ITIH5: variants seen among roughly 807,000 people sequenced by gnomAD.
ITIH5 encodes inter-alpha-trypsin inhibitor heavy chain 5, also known as inter-alpha-trypsin inhibitor heavy chain H5.
In ITIH5, 65 loss-of-function variants were observed where a neutral mutation model predicts 77.5. The observed-to-expected ratio is 0.84, with a 90% CI of 0.69 to 1.03. ITIH5 has a LOEUF of 1.03. ITIH5 is among the 50% of genes least tolerant of loss of function. ITIH5 has a pLI of 0.00. For missense variants in ITIH5, 1,208 were observed against 1,213.1 expected (o/e 1.00, Z 0.06); for synonymous variants, 525 against 494.3 (o/e 1.06, Z -0.82).
intron 4 of ITIH5, among the ~76,000 whole-genome samples, chr10:7,638,430 A>G (rs1380437921): frequency 6.6e-6 from 1 of 152,246 alleles, no homozygotes; most frequent in Non-Finnish European, 1.5e-5. Flanking sequence ...ACTTCAGAAC[A>G]TCACACAGAG....
intron 7 of ITIH5, among the ~76,000 whole-genome samples, chr10:7,611,791 TTA>T (rs1833249678): frequency 6.6e-6 from 1 of 152,166 alleles, no homozygotes; most frequent in Non-Finnish European, 1.5e-5. Flanking sequence ...TTTAAAATTT[TTA>T]TGTAGCTAAA....
chr10:7,632,103 C>T (rs773975128), intron 5 of ITIH5, among the ~76,000 whole-genome samples: 5 of 152,008 alleles, frequency 3.3e-5, no homozygotes, highest in Non-Finnish European at 7.4e-5. Context: ...CTGGCCCAAT[C>T]TTGTTTAATT....
At chr10:7,633,809 G>T (rs1204005434) in intron 5 of ITIH5, among the ~76,000 whole-genome samples, 2 of 152,066 alleles carry the variant, frequency 1.3e-5, no homozygotes, top group Admixed American at 1.3e-4. Flanking sequence ...GTCCGTGGTG[G>T]CCGGGCGCGG....
Position 7,576,516 on chromosome 10 carries a change from T to G in ITIH5, c.1915A>C (p.Met639Leu), listed in dbSNP as rs1284263096. 6.2e-7 allele frequency: 1 copy of G among 1,611,888 alleles called. No individual in the cohort carries two copies. The highest frequency in any genetic ancestry group is 1.1e-5 in the South Asian group (1 of 91,058). ...RMDGLEEAHG[M>L]SAAMGPEPVV... ...GGTTCGGGTCCCATGGCAGCCGACA[T>G]GCCGTGGGCCTCCTCCAGGCCATCC... The change falls in exon 10 of 14, where the codon ATG becomes CTG. Residue 639 changes from methionine to leucine, a missense_variant. Transcript: ENST00000397146.
chr10:7,585,850 A>C, intron 8 of ITIH5, 51 bp downstream of exon 8: 1 of 1,465,174 alleles, frequency 6.8e-7, no homozygotes, highest in South Asian at 1.3e-5. Context: ...ACCAAAAAAA[A>C]AAACATTATT....
chr10:7,651,326 G>A (rs1214406792), intron 2 of ITIH5, among the ~76,000 whole-genome samples: 1 of 152,172 alleles, frequency 6.6e-6, no homozygotes, highest in Non-Finnish European at 1.5e-5. Context: ...GCTCACGCCT[G>A]TAATCCCAGC....
chr10:7,657,412 C>T (rs1420898414), intron 1 of ITIH5, among the ~76,000 whole-genome samples: 2 of 151,920 alleles, frequency 1.3e-5, no homozygotes, highest in East Asian at 3.8e-4. Context: ...TGCATTCCCA[C>T]CAGTATGCAA....
chr10:7,645,829 C>T (rs747594754), intron 2 of ITIH5, among the ~76,000 whole-genome samples: 4 of 152,162 alleles, frequency 2.6e-5, no homozygotes, highest in Non-Finnish European at 5.9e-5. Context: ...TCATTAAAAA[C>T]ATTTCATACA....
chr10:7,629,512 C>T lies in ITIH5; in HGVS notation c.652+7716G>A, dbSNP rs1281085166. On this transcript the variant is annotated intron_variant, in intron 5 of 13. Coordinates refer to ENST00000397146, the MANE Select transcript of ITIH5 (RefSeq NM_030569.7). ...GTTGTAGCGTGTGTCCATGTTGCAG[C>T]GTGTGTCCGTGTTGCAGCGTGTGTC... 3.9e-5 allele frequency among the ~76,000 whole-genome samples: 5 copies of T among 128,064 alleles called. 1 individual carries two copies. Among genetic ancestry groups the T allele is most frequent in the Non-Finnish European group, 5.4e-5 (3 of 55,226 alleles). The allele number at this position is 128,064 out of a possible 152,430, so 84.0% of individuals were successfully genotyped here.
intron 5 of ITIH5, chr10:7,619,631 C>A (rs1014815033): frequency 5.3e-6 from 2 of 376,768 alleles, no homozygotes; most frequent in South Asian, 2.0e-5. Flanking sequence ...ACGCAGAAGG[C>A]AAACGCAAAG....
intron 5 of ITIH5, chr10:7,618,808 G>T (rs187831766): frequency 6.6e-6 from 1 of 152,240 alleles, no homozygotes; most frequent in African/African-American, 2.4e-5. Flanking sequence ...TTCTGCTGAG[G>T]GTTTATTAGA....
intron 1 of ITIH5, among the ~76,000 whole-genome samples, chr10:7,665,990 CT>C (rs1834355517): frequency 6.6e-6 from 1 of 152,164 alleles, no homozygotes; most frequent in South Asian, 2.1e-4. Flanking sequence ...AAAGGTCCGC[CT>C]ACTTGTATCT....
chr10:7,666,572 G>C (rs1354749539), intron 1 of ITIH5, among the ~76,000 whole-genome samples: 3 of 152,166 alleles, frequency 2.0e-5, no homozygotes, highest in East Asian at 1.9e-4. Flanking sequence ...AGAAAAACTC[G>C]GCTCCGCAGG....
At chr10:7,649,960 T>C (rs914824118) in intron 2 of ITIH5, among the ~76,000 whole-genome samples, 3 of 152,242 alleles carry the variant, frequency 2.0e-5, no homozygotes, top group Admixed American at 6.5e-5. Context: ...TAACTTTGTT[T>C]TGGGATGTCC....
chr10:7,582,154 A>G (rs769395709), intron 8 of ITIH5, among the ~76,000 whole-genome samples: 1 of 152,284 alleles, frequency 6.6e-6, no homozygotes, highest in South Asian at 2.1e-4. Context: ...GATTACTGGC[A>G]GGGGCCACAG....
rs140480029 is a variant in ITIH5 at position 7,590,982 on chromosome 10, C to T, written c.940-4913G>A. Among the ~76,000 whole-genome samples the T allele has an allele frequency of 6.9e-3, 1,048 of 152,320 alleles. 6 individuals are homozygous for T. Among genetic ancestry groups the T allele is most frequent in the Non-Finnish European group, 9.2e-3 (625 of 68,038 alleles). On this transcript the variant is annotated intron_variant, in intron 7 of 13. Transcript: ENST00000397146. ...CGCGGTATCCACTCACTGCAACCTCCGCCTCCCGGGTTCAAGCGATTCCCC... is the reference window on the plus strand; with the variant it reads ...CGCGGTATCCACTCACTGCAACCTCTGCCTCCCGGGTTCAAGCGATTCCCC...
Position 7,626,745 on chromosome 10 carries a change from C to G in ITIH5, c.653-9463G>C, listed in dbSNP as rs138178530. Among the ~76,000 whole-genome samples, 76 of 152,342 alleles carry G rather than the reference C, an allele frequency of 5.0e-4. No individual in the cohort carries two copies. The East Asian group carries it at 0.012, about 23-fold the overall frequency. ...GTCCTAAATATTGCACAGGACATAT[C>G]GTTTCTCTGAATTCAAATGAAACTG... is the stretch of plus-strand genomic sequence containing the variant. On this transcript the variant is annotated intron_variant, in intron 5 of 13. Coordinates refer to ENST00000397146, the MANE Select transcript of ITIH5 (RefSeq NM_030569.7).
At chr10:7,646,330 G>A (rs574874823) in intron 2 of ITIH5, among the ~76,000 whole-genome samples, 1 of 152,290 alleles carries the variant, frequency 6.6e-6, no homozygotes, top group South Asian at 2.1e-4. Context: ...TAATTATGCT[G>A]AATATAAAAT....
intron 7 of ITIH5, among the ~76,000 whole-genome samples, chr10:7,603,665 G>A (rs528467077): frequency 6.6e-6 from 1 of 152,148 alleles, no homozygotes; most frequent in South Asian, 2.1e-4. Context: ...CTCACTGCAA[G>A]CTCCGCCTCC....
Sources: gnomAD v4.1 joint callset for allele counts (sites outside exome capture counted in the v4.1 genomes callset) on GRCh38, gnomAD v4.1.1 for gene constraint, MANE v1.5 for transcripts, NCBI Gene and HGNC (gene_info 2026-07-23, HGNC 2026-07-21) for gene names.